TGFB2: variants seen among roughly 807,000 people sequenced by gnomAD.
The protein encoded by TGFB2 is transforming growth factor beta-2 proprotein.
TGFB2 carries 13 observed loss-of-function variants against 42.7 expected under a neutral mutation model. That is an observed-to-expected ratio of 0.30 (90% CI 0.20 to 0.48). TGFB2 has a LOEUF of 0.48. Ranked by LOEUF, TGFB2 falls within the 20% of genes least tolerant of loss-of-function variation. The pLI, the probability that TGFB2 is intolerant of heterozygous loss-of-function variation, is 0.99. For synonymous variants in TGFB2, 193 were observed against 193.6 expected, an observed-to-expected ratio of 1.00 and a Z score of 0.03; for missense variants, 390 against 517.5, an observed-to-expected ratio of 0.75 and a Z score of 2.39.
At chr1:218,416,744 C>G (rs1246691893) in intron 2 of TGFB2, among the ~76,000 whole-genome samples, 1 of 152,116 alleles carries the variant, frequency 6.6e-6, no homozygotes, top group Non-Finnish European at 1.5e-5. Context: ...TCAATCTCAT[C>G]TTGAATTCAA....
intron 1 of TGFB2, among the ~76,000 whole-genome samples, chr1:218,397,266 TAAA>T (rs1246321855): frequency 7.2e-5 from 7 of 97,650 alleles, no homozygotes; most frequent in Non-Finnish European, 8.9e-5. Flanking sequence ...AGACTCCATC[TAAA>T]AAAAAAAAAA....
At chr1:218,368,820 A>G (rs1657474954) in intron 1 of TGFB2, among the ~76,000 whole-genome samples, 1 of 152,202 alleles carries the variant, frequency 6.6e-6, no homozygotes, top group Admixed American at 6.5e-5. Flanking sequence ...AGGATTGTCA[A>G]AAGTATCCTA....
chr1:218,407,728 G>A (rs1370692418), intron 2 of TGFB2, among the ~76,000 whole-genome samples: 1 of 152,116 alleles, frequency 6.6e-6, no homozygotes, highest in Non-Finnish European at 1.5e-5. Flanking sequence ...ACACAGGTGG[G>A]AAATGGCAGG....
chr1:218,348,946 C>T (rs1400566911), intron 1 of TGFB2, among the ~76,000 whole-genome samples: 1 of 152,162 alleles, frequency 6.6e-6, no homozygotes. Flanking sequence ...GGCATTAGTT[C>T]TTTGTTCTCT....
In TGFB2 at chr1:218,434,064, G is replaced by C; in HGVS notation, c.511-18G>C. On this transcript the variant is annotated intron_variant, in intron 2 of 6. Coordinates refer to ENST00000366930, the MANE Select transcript of TGFB2 (RefSeq NM_003238.6). Reference sequence around the variant, plus strand: ...GAATGCCAACTCAGCCTTTTCTCTTGCTCTTTTTCCCCTCCAGATTCTCAA... The same window carrying C: ...GAATGCCAACTCAGCCTTTTCTCTTCCTCTTTTTCCCCTCCAGATTCTCAA... 6.2e-7 allele frequency: 1 copy of C among 1,612,136 alleles called. No homozygotes were observed. The highest frequency in any genetic ancestry group is 8.5e-7 in the Non-Finnish European group (1 of 1,178,544).
intron 2 of TGFB2, among the ~76,000 whole-genome samples, chr1:218,410,545 A>G (rs192339453): frequency 1.3e-5 from 2 of 152,366 alleles, no homozygotes; most frequent in Admixed American, 6.5e-5. Context: ...GGTGTGATCA[A>G]GATAGGCTTC....
chr1:218,434,732 A>T (rs1219542832), intron 4 of TGFB2, among the ~76,000 whole-genome samples: 1 of 152,202 alleles, frequency 6.6e-6, no homozygotes, highest in Admixed American at 6.5e-5. Context: ...TTTGTTCTTC[A>T]TTGTAGCAAA....
chr1:218,376,878 A>G (rs2102560291), intron 1 of TGFB2, among the ~76,000 whole-genome samples: 1 of 152,298 alleles, frequency 6.6e-6, no homozygotes, highest in East Asian at 1.9e-4. Flanking sequence ...ACATAGGAAG[A>G]TGGTTGGTTA....
At position 218,359,081 on chromosome 1, in the gene TGFB2, G is replaced by T. The variant is rs775811367; in HGVS notation, c.346+12034G>T. Among the ~76,000 whole-genome samples, 37 of 152,170 alleles carry T rather than the reference G, an allele frequency of 2.4e-4. 1 individual carries two copies. The highest frequency in any genetic ancestry group is 3.8e-4 in the Non-Finnish European group (26 of 68,006). The stretch of plus-strand genomic sequence containing the variant: ...TTGGGCTCTGCAGGTTAACGAGAGG[G>T]AGACAGAGGAAGGAGTGCACCAAAC... On this transcript the variant is annotated intron_variant, in intron 1 of 6. Coordinates refer to ENST00000366930, the MANE Select transcript of TGFB2 (RefSeq NM_003238.6).
intron 2 of TGFB2, among the ~76,000 whole-genome samples, chr1:218,414,937 G>T: frequency 6.6e-6 from 1 of 151,870 alleles, no homozygotes; most frequent in South Asian, 2.1e-4. Context: ...GAACCCAGGC[G>T]GTCTGACCCC....
At chr1:218,410,885 G>C (rs1403685128) in intron 2 of TGFB2, among the ~76,000 whole-genome samples, 1 of 152,170 alleles carries the variant, frequency 6.6e-6, no homozygotes, top group African/African-American at 2.4e-5. Context: ...AAATAGGAAG[G>C]AGAATTCTCT....
intron 2 of TGFB2, among the ~76,000 whole-genome samples, chr1:218,423,032 A>G (rs1470446766): frequency 6.6e-6 from 1 of 152,224 alleles, no homozygotes; most frequent in Non-Finnish European, 1.5e-5. Flanking sequence ...CTCCAAAGCC[A>G]ATGAAAGCCT....
intron 1 of TGFB2, among the ~76,000 whole-genome samples, chr1:218,371,708 G>A (rs1241587987): frequency 6.6e-6 from 1 of 152,208 alleles, no homozygotes; most frequent in African/African-American, 2.4e-5. Flanking sequence ...GGCAGTGTCT[G>A]ATAGATGTTG....
chr1:218,437,118 A>C (rs571746247), intron 5 of TGFB2, among the ~76,000 whole-genome samples: 4 of 152,276 alleles, frequency 2.6e-5, no homozygotes, highest in African/African-American at 9.6e-5. Flanking sequence ...TAGAACTCAT[A>C]AGGGCAAGTA....
At chr1:218,373,863 A>G (rs1657655279) in intron 1 of TGFB2, among the ~76,000 whole-genome samples, 1 of 152,180 alleles carries the variant, frequency 6.6e-6, no homozygotes, top group South Asian at 2.1e-4. Flanking sequence ...TTTTTCTCTT[A>G]AATGCAGTAT....
At chr1:218,377,346 A>G (rs912896940) in intron 1 of TGFB2, among the ~76,000 whole-genome samples, 1 of 152,262 alleles carries the variant, frequency 6.6e-6, no homozygotes, top group African/African-American at 2.4e-5. Context: ...TGTTGATAGC[A>G]TAACTTTTCA....
chr1:218,408,414 G>A (rs192089519), intron 2 of TGFB2, among the ~76,000 whole-genome samples: 10 of 152,236 alleles, frequency 6.6e-5, no homozygotes, highest in East Asian at 1.9e-4. Context: ...AAAGAGGAAC[G>A]GCCCAAGATG....
At chr1:218,375,988 G>A (rs1657728436) in intron 1 of TGFB2, among the ~76,000 whole-genome samples, 1 of 152,174 alleles carries the variant, frequency 6.6e-6, no homozygotes, top group Non-Finnish European at 1.5e-5. Context: ...ATCAAAGGGA[G>A]GATTGGTGGT....
At chr1:218,409,245 G>A (rs1048494868) in intron 2 of TGFB2, among the ~76,000 whole-genome samples, 2 of 152,314 alleles carry the variant, frequency 1.3e-5, no homozygotes, top group East Asian at 3.9e-4. Context: ...CCAGGTTGGG[G>A]ACTTCTGCTT....
Sources: allele counts gnomAD v4.1 joint callset (sites outside exome capture counted in the v4.1 genomes callset), GRCh38; gene constraint gnomAD v4.1.1; transcripts MANE v1.5; gene names NCBI Gene and HGNC (gene_info 2026-07-23, HGNC 2026-07-21).